Variants in STIM1 observed in about 807,000 individuals in gnomAD.
STIM1 encodes stromal interaction molecule 1.
STIM1 carries 25 observed loss-of-function variants against 74.7 expected under a neutral mutation model. That is an observed-to-expected ratio of 0.33 (90% CI 0.24 to 0.47). The LOEUF is 0.47. Among genes scored for constraint, STIM1 ranks in the 20% least tolerant of loss-of-function variants. STIM1 has a pLI of 1.00. For synonymous variants in STIM1, 328 were observed against 348.8 expected, an observed-to-expected ratio of 0.94 and a Z score of 0.66; for missense variants, 728 against 920.8, an observed-to-expected ratio of 0.79 and a Z score of 2.71.
At chr11:4,008,293 C>T (rs2093802536) in intron 2 of STIM1, among the ~76,000 whole-genome samples, 1 of 152,116 alleles carries the variant, frequency 6.6e-6, no homozygotes, top group African/African-American at 2.4e-5. Flanking sequence ...AGGCTATACA[C>T]ATCTAGCATA....
At position 3,856,223 on chromosome 11, in the gene STIM1, G is replaced by C; in HGVS notation, c.-48G>C. 6.2e-7 allele frequency: 1 copy of C among 1,612,670 alleles called. No individual in the cohort carries two copies. The highest frequency in any genetic ancestry group is 1.3e-5 in the African/African-American group (1 of 75,070). ...CCCGGGCTCCTGGCTTTGCCTCTGG[G>C]ATCCCGAGGTGTCCACATCAGACGC... is the stretch of plus-strand genomic sequence containing the variant. On this transcript the variant is annotated 5_prime_UTR_variant, in exon 1 of 13. Transcript: ENST00000526596.
In STIM1 at chr11:3,888,803, C is replaced by T. The variant is rs144664843; in HGVS notation, c.139+32394C>T. On this transcript the variant is annotated intron_variant, in intron 1 of 12. Transcript: ENST00000526596. ...CTGACCTCAAGTGATCCGCCCGTGT[C>T]GGCTTCCCAAAGTGCTGGGATTACA... Among the ~76,000 whole-genome samples the T allele has an allele frequency of 5.9e-5, 9 of 152,180 alleles. No individual in the cohort carries two copies. The East Asian group carries it at 1.5e-3, about 26-fold the overall frequency.
intron 1 of STIM1, among the ~76,000 whole-genome samples, chr11:3,931,665 C>T (rs959305170): frequency 6.6e-6 from 1 of 152,066 alleles, no homozygotes; most frequent in Non-Finnish European, 1.5e-5. Context: ...TGTTTGTGTC[C>T]CTCTACATTT....
intron 2 of STIM1, among the ~76,000 whole-genome samples, chr11:3,997,569 T>G (rs2093674270): frequency 1.3e-5 from 2 of 152,156 alleles, no homozygotes; most frequent in Admixed American, 6.5e-5. Flanking sequence ...TTTCCCATGT[T>G]ATAGTCACTG....
intron 5 of STIM1, 154 bp downstream of exon 5, chr11:4,059,550 C>A: frequency 1.5e-6 from 1 of 651,400 alleles, no homozygotes; most frequent in Admixed American, 2.6e-5. Flanking sequence ...AAGAGTCTTA[C>A]ATTTTAGTCC....
intron 1 of STIM1, among the ~76,000 whole-genome samples, chr11:3,943,988 A>T (rs980589017): frequency 6.6e-6 from 1 of 151,030 alleles, no homozygotes; most frequent in African/African-American, 2.4e-5. Context: ...GAAGGCAGAG[A>T]TTTTTTTTTT....
At chr11:4,073,228 T>G (rs990299276) in intron 6 of STIM1, among the ~76,000 whole-genome samples, 16 of 151,864 alleles carry the variant, frequency 1.1e-4, no homozygotes, top group African/African-American at 3.9e-4. Context: ...CTTCCTAATC[T>G]GGTCCCCTGG....
intron 3 of STIM1, among the ~76,000 whole-genome samples, chr11:4,049,300 C>T (rs1275136056): frequency 6.6e-6 from 1 of 150,700 alleles, no homozygotes; most frequent in African/African-American, 2.4e-5. Flanking sequence ...TTATCTGACT[C>T]AGGGCTTAAA....
At chr11:4,039,978 A>G (rs1483567473) in intron 3 of STIM1, among the ~76,000 whole-genome samples, 6 of 152,126 alleles carry the variant, frequency 3.9e-5, no homozygotes, top group Non-Finnish European at 8.8e-5. Context: ...CATGTTGGCC[A>G]GGCTGGTCTT....
At chr11:3,878,499 T>A (rs2091379929) in intron 1 of STIM1, among the ~76,000 whole-genome samples, 1 of 152,150 alleles carries the variant, frequency 6.6e-6, no homozygotes, top group Non-Finnish European at 1.5e-5. Context: ...TATTACTTCT[T>A]CAATGCAAAT....
At chr11:4,034,947 T>C (rs1415325772) in intron 3 of STIM1, among the ~76,000 whole-genome samples, 2 of 152,172 alleles carry the variant, frequency 1.3e-5, no homozygotes, top group Non-Finnish European at 2.9e-5. Flanking sequence ...AGTAATAATG[T>C]CTCATTACTG....
intron 1 of STIM1, among the ~76,000 whole-genome samples, chr11:3,869,593 G>T (rs2091001346): frequency 1.3e-5 from 2 of 152,180 alleles, no homozygotes; most frequent in South Asian, 4.1e-4. Context: ...TCTTTGGGGG[G>T]CAGTAGTTTA....
intron 5 of STIM1, among the ~76,000 whole-genome samples, chr11:4,065,620 A>G (rs2094360662): frequency 6.6e-6 from 1 of 152,198 alleles, no homozygotes; most frequent in Non-Finnish European, 1.5e-5. Flanking sequence ...GCTAGAAGTT[A>G]TATGGAAGGA....
chr11:3,982,620 A>G (rs918554044), intron 2 of STIM1, among the ~76,000 whole-genome samples: 1 of 152,156 alleles, frequency 6.6e-6, no homozygotes, highest in Admixed American at 6.5e-5. Flanking sequence ...AAGGAAAGAG[A>G]CTGAATTAGC....
intron 7 of STIM1, among the ~76,000 whole-genome samples, chr11:4,078,082 A>G (rs959798561): frequency 2.6e-5 from 4 of 152,078 alleles, no homozygotes; most frequent in Non-Finnish European, 5.9e-5. Flanking sequence ...TTTTTATTAC[A>G]TGCTGGACAG....
At chr11:3,892,399 T>A (rs1312565836) in intron 1 of STIM1, 1 of 1,433,290 alleles carries the variant, frequency 7.0e-7, no homozygotes, top group African/African-American at 1.4e-5. Flanking sequence ...TTATTAAGAG[T>A]TGTCCACAGT....
rs553814965 is a variant in STIM1 at position 4,055,788 on chromosome 11, C to T, written c.497+151C>T. 1.1e-5 allele frequency: 7 copies of T among 615,868 alleles called. No homozygotes were observed. In the East Asian group the frequency reaches 1.9e-4, roughly 17 times the overall value. The allele number at this position is 615,868 out of a possible 1,614,324, so 38.2% of individuals were successfully genotyped here. A position where few individuals can be genotyped will look rare whatever the true frequency, so the allele number is the denominator to read the frequency against. Reference sequence around the variant, plus strand: ...TGCCTCTTCTCACATCTGTTGTGCACTTGCTATAAAGTATGATGGGCGCTT... The same window carrying T: ...TGCCTCTTCTCACATCTGTTGTGCATTTGCTATAAAGTATGATGGGCGCTT... On this transcript the variant is annotated intron_variant, in intron 4 of 12. Coordinates refer to ENST00000526596, the MANE Select transcript of STIM1 (RefSeq NM_001382567.1).
intron 1 of STIM1, among the ~76,000 whole-genome samples, chr11:3,929,566 C>G (rs1029562403): frequency 6.6e-6 from 1 of 152,116 alleles, no homozygotes; most frequent in African/African-American, 2.4e-5. Context: ...TAAATCAGAG[C>G]TGGGACTTTG....
At chr11:4,001,381 T>G (rs371842597) in intron 2 of STIM1, among the ~76,000 whole-genome samples, 2 of 152,118 alleles carry the variant, frequency 1.3e-5, no homozygotes, top group Non-Finnish European at 2.9e-5. Flanking sequence ...GACTAACAGC[T>G]GATCTCTCGG....
Sources: gnomAD v4.1 joint callset for allele counts (sites outside exome capture counted in the v4.1 genomes callset) on GRCh38, gnomAD v4.1.1 for gene constraint, MANE v1.5 for transcripts, NCBI Gene and HGNC (gene_info 2026-07-23, HGNC 2026-07-21) for gene names.